Variants in COG5 observed in about 807,000 individuals in gnomAD.
COG5 encodes the protein component of oligomeric golgi complex 5, also known as conserved oligomeric Golgi complex subunit 5.
In COG5, 86 loss-of-function variants were observed where a neutral mutation model predicts 110.4. The observed-to-expected ratio is 0.78, with a 90% CI of 0.65 to 0.93. COG5 has a LOEUF of 0.93. Among genes scored for constraint, COG5 ranks in the 40% least tolerant of loss-of-function variants. COG5 has a pLI of 0.00. For synonymous variants in COG5, 360 were observed against 334.6 expected (o/e 1.08, Z -0.83); for missense variants, 1,077 against 987.0 (o/e 1.09, Z -1.22).
rs71134268 is a variant in COG5, at chr7:107,563,544, TGGG to T, written c.94+256_94+258del. On this transcript the variant is annotated intron_variant, in intron 1 of 21. Coordinates refer to ENST00000297135, the MANE Select transcript of COG5 (RefSeq NM_006348.5). The stretch of plus-strand genomic sequence containing the variant: ...CGAAACTTCAGGGAAGCTGGAGGCA[TGGG>T]GGGGGGGGGGGTCGAGTTGAAATGA... 7,067 of 254,514 alleles carry T rather than the reference TGGG, an allele frequency of 0.028. 66 individuals are homozygous for T. Among genetic ancestry groups the T allele is most frequent in the African/African-American group, 0.065 (2,123 of 32,570 alleles). The allele number at this position is 254,514 out of a possible 1,614,324, so 15.8% of individuals were successfully genotyped here. A position where few individuals can be genotyped will look rare whatever the true frequency, so the allele number is the denominator to read the frequency against.
Position 107,475,369 on chromosome 7 carries a change from G to C in COG5, c.538+51868C>G, listed in dbSNP as rs759495387. On this transcript the variant is annotated intron_variant, in intron 6 of 21. Coordinates refer to ENST00000297135, the MANE Select transcript of COG5 (RefSeq NM_006348.5). ...TCAGGTTGTCACAGACTAGAGAAAA[G>C]TCTCAGTTTCACCAAATCCACATTC... is the stretch of plus-strand genomic sequence containing the variant. 3 of 1,329,058 alleles carry C rather than the reference G, an allele frequency of 2.3e-6. No homozygotes were observed. The Admixed American group carries it at 7.6e-5, about 33-fold the overall frequency. The allele number at this position is 1,329,058 out of a possible 1,614,324, so 82.3% of individuals were successfully genotyped here. A position where few individuals can be genotyped will look rare whatever the true frequency, so the allele number is the denominator to read the frequency against.
At chr7:107,469,004 TATTAA>T (rs1020982980) in intron 6 of COG5, among the ~76,000 whole-genome samples, 1 of 149,788 alleles carries the variant, frequency 6.7e-6, no homozygotes. Flanking sequence ...TTATTTTTAA[TATTAA>T]ATTTAATTTA....
chr7:107,460,645 T>C (rs1295290128), intron 6 of COG5, among the ~76,000 whole-genome samples: 3 of 152,018 alleles, frequency 2.0e-5, no homozygotes, highest in Non-Finnish European at 2.9e-5. Flanking sequence ...CATAACAACA[T>C]TGTTCATTAA....
chr7:107,270,462 T>C (rs1298082997), intron 14 of COG5, among the ~76,000 whole-genome samples: 1 of 152,132 alleles, frequency 6.6e-6, no homozygotes, highest in Non-Finnish European at 1.5e-5. Flanking sequence ...GGGTTTCGCA[T>C]GTTGCCCAAG....
intron 21 of COG5, among the ~76,000 whole-genome samples, chr7:107,206,153 G>A (rs1798768394): frequency 6.6e-6 from 1 of 152,088 alleles, no homozygotes; most frequent in Non-Finnish European, 1.5e-5. Context: ...AGTAGAGACG[G>A]GGTTTCACCG....
rs376060086 is a variant in COG5 at position 107,242,523 on chromosome 7, A to C, written c.1854-5836T>G. On this transcript the variant is annotated intron_variant, in intron 17 of 21. Coordinates refer to ENST00000297135, the MANE Select transcript of COG5 (RefSeq NM_006348.5). The stretch of plus-strand genomic sequence containing the variant: ...GCTATCAAGCCAGTAGCAACTCAGC[A>C]ACTCCAAGAGCAGAGCCTCCAGTGG... 5.9e-5 allele frequency among the ~76,000 whole-genome samples: 9 copies of C among 152,344 alleles called. No individual in the cohort carries two copies. In the East Asian group the frequency reaches 1.7e-3, roughly 29 times the overall value.
chr7:107,316,465 A>G (rs761084944), intron 11 of COG5, among the ~76,000 whole-genome samples: 2 of 151,978 alleles, frequency 1.3e-5, no homozygotes, highest in Non-Finnish European at 2.9e-5. Context: ...TGTCCTAATG[A>G]CCCAGGAGAT....
chr7:107,397,618 T>G (rs1563009973), intron 7 of COG5, among the ~76,000 whole-genome samples: 1 of 152,222 alleles, frequency 6.6e-6, no homozygotes, highest in Non-Finnish European at 1.5e-5. Context: ...AACTCATTAC[T>G]CTATAAAGTG....
chr7:107,372,629 T>G lies in COG5; in HGVS notation c.801A>C (p.Lys267Asn). 1 of 1,613,698 alleles carries G rather than the reference T, an allele frequency of 6.2e-7. No homozygotes were observed. The highest frequency in any genetic ancestry group is 2.2e-5 in the East Asian group (1 of 44,806). ...CTGACTGGGAAGGCTGAGTCAAAACTTTTATGTCTAATGCACTGTTGATAT... is the reference window on the plus strand; with the variant it reads ...CTGACTGGGAAGGCTGAGTCAAAACGTTTATGTCTAATGCACTGTTGATAT... ...EENINSALDI[K>N]VLTQPSQSAV... is the part of the protein sequence containing the mutation. The change falls in exon 8 of 22, where the codon AAA (lysine) becomes AAC (asparagine). Residue 267 changes from lysine (K) to asparagine (N), a missense_variant. Coordinates refer to ENST00000297135, the MANE Select transcript of COG5 (RefSeq NM_006348.5).
chr7:107,427,688 C>A (rs774222155), intron 6 of COG5, among the ~76,000 whole-genome samples: 1 of 152,036 alleles, frequency 6.6e-6, no homozygotes, highest in East Asian at 1.9e-4. Flanking sequence ...ACCCACTCAG[C>A]CCACTGGGCT....
chr7:107,303,978 G>T (rs1807496129), intron 11 of COG5, among the ~76,000 whole-genome samples: 1 of 151,814 alleles, frequency 6.6e-6, no homozygotes, highest in African/African-American at 2.4e-5. Flanking sequence ...TACAACACAG[G>T]CACAAATGTG....
At chr7:107,556,045 C>G (rs1252097472) in intron 2 of COG5, among the ~76,000 whole-genome samples, 2 of 151,512 alleles carry the variant, frequency 1.3e-5, no homozygotes. Flanking sequence ...GAGAGGAAAG[C>G]TTACTGTTTC....
At chr7:107,392,883 AC>A (rs1254270543) in intron 7 of COG5, among the ~76,000 whole-genome samples, 3 of 152,126 alleles carry the variant, frequency 2.0e-5, no homozygotes, top group Non-Finnish European at 4.4e-5. Context: ...GTTAGCTCAA[AC>A]CTTCTAAAAG....
intron 10 of COG5, among the ~76,000 whole-genome samples, chr7:107,326,142 G>C (rs1040583149): frequency 2.0e-5 from 3 of 152,022 alleles, no homozygotes; most frequent in African/African-American, 4.8e-5. Context: ...ACTAGGACTC[G>C]AAGGAAATTA....
chr7:107,333,022 T>A (rs971175271), intron 10 of COG5, among the ~76,000 whole-genome samples: 2 of 152,076 alleles, frequency 1.3e-5, no homozygotes, highest in Admixed American at 6.5e-5. Context: ...TCTAAGTCAG[T>A]GTGCTTACTA....
chr7:107,222,929 T>C (rs1348899174), intron 19 of COG5, among the ~76,000 whole-genome samples: 3 of 152,106 alleles, frequency 2.0e-5, no homozygotes, highest in Admixed American at 6.5e-5. Flanking sequence ...AGATTCACAT[T>C]TAAACGATTC....
At chr7:107,404,984 A>G (rs1041901918) in intron 7 of COG5, among the ~76,000 whole-genome samples, 1 of 147,848 alleles carries the variant, frequency 6.8e-6, no homozygotes, top group African/African-American at 2.6e-5. Context: ...GAGACTTCCT[A>G]AAAAAAAATT....
intron 6 of COG5, among the ~76,000 whole-genome samples, chr7:107,455,685 A>AGGGCATAAATTTGTATAGTTT (rs1433165598): frequency 5.9e-5 from 9 of 152,196 alleles, no homozygotes; most frequent in Admixed American, 5.2e-4. Flanking sequence ...TAGAGATCAT[A>AGGGCATAAATTTGTATAGTTT]GGGCATAAAT....
chr7:107,474,960 A>G lies in COG5; in HGVS notation c.538+52277T>C. ...TTGCCCTCCGGCGAGCTGTGAAACG[A>G]CACCGTGAACGACGAGAAAGACAAA... On this transcript the variant is annotated intron_variant, in intron 6 of 21. Transcript: ENST00000297135. The surrounding 1 kb of genome is among the most constrained non-coding windows in gnomAD (Gnocchi z 5.7). The G allele has an allele frequency of 6.2e-7, 1 of 1,612,302 alleles. No homozygotes were observed. Among genetic ancestry groups the G allele is most frequent in the Non-Finnish European group, 8.5e-7 (1 of 1,179,204 alleles).
Sources: allele counts gnomAD v4.1 joint callset (sites outside exome capture counted in the v4.1 genomes callset), GRCh38; gene constraint gnomAD v4.1.1; non-coding constraint Gnocchi (gnomAD v3.1); transcripts MANE v1.5; gene names NCBI Gene and HGNC (gene_info 2026-07-23, HGNC 2026-07-21).